NRXN3: variants seen among roughly 807,000 people sequenced by gnomAD.
NRXN3 encodes neurexin 3.
In NRXN3, 32 loss-of-function variants were observed where a neutral mutation model predicts 137.6. The observed-to-expected ratio is 0.23, with a 90% CI of 0.18 to 0.31. NRXN3 has a LOEUF of 0.31. Among genes scored for constraint, NRXN3 ranks in the 10% least tolerant of loss-of-function variants. The probability of loss-of-function intolerance (pLI) is 1.00; values close to 1 mark genes in which losing one functional copy is unlikely to be tolerated. For synonymous variants in NRXN3, 798 were observed against 784.5 expected (o/e 1.02, Z -0.29); for missense variants, 1,574 against 2,062.5 (o/e 0.76, Z 4.59).
At chr14:78,431,740 T>C (rs1006918259) in intron 4 of NRXN3, among the ~76,000 whole-genome samples, 2 of 152,248 alleles carry the variant, frequency 1.3e-5, no homozygotes, top group South Asian at 2.1e-4. Context: ...GTTTTACAGA[T>C]TATAAAGTAA....
chr14:78,896,686 C>T (rs1360516048), intron 10 of NRXN3, among the ~76,000 whole-genome samples: 1 of 151,690 alleles, frequency 6.6e-6, no homozygotes, highest in African/African-American at 2.4e-5. Flanking sequence ...GAGCCTAATT[C>T]CACTTGCTAA....
At chr14:78,543,419 C>A (rs2096610246) in intron 4 of NRXN3, among the ~76,000 whole-genome samples, 1 of 152,124 alleles carries the variant, frequency 6.6e-6, no homozygotes, top group Non-Finnish European at 1.5e-5. Flanking sequence ...TCAGTGCTAA[C>A]AATTGTTGCA....
At chr14:79,806,756 A>C (rs1568316360) in intron 20 of NRXN3, among the ~76,000 whole-genome samples, 1 of 150,170 alleles carries the variant, frequency 6.7e-6, no homozygotes, top group Non-Finnish European at 1.5e-5. Context: ...CAGAGAATAG[A>C]ATAGTTTTGC....
intron 19 of NRXN3, among the ~76,000 whole-genome samples, chr14:79,770,249 G>T (rs2099072623): frequency 6.6e-6 from 1 of 152,078 alleles, no homozygotes; most frequent in Non-Finnish European, 1.5e-5. Flanking sequence ...CCCAGGAATT[G>T]AACTCAGCTC....
At chr14:79,365,861 C>T (rs1007442792) in intron 15 of NRXN3, among the ~76,000 whole-genome samples, 2 of 150,822 alleles carry the variant, frequency 1.3e-5, no homozygotes, top group Admixed American at 6.6e-5. Context: ...AAATCTGATA[C>T]GTATAATGTA....
rs59053009 is a variant in NRXN3, at chr14:78,888,848, T to TACACACACACACAC, written c.2276-68383_2276-68370dup. On this transcript the variant is annotated intron_variant, in intron 10 of 20. Transcript: ENST00000335750. ...CTAGTTGGGAGAGTAATCACACACA[T>TACACACACACACAC]ACACACACACACACACACACACACC... Among the ~76,000 whole-genome samples, 952 of 146,410 alleles carry TACACACACACACAC rather than the reference T, an allele frequency of 6.5e-3. 8 individuals carry two copies. The highest frequency in any genetic ancestry group is 0.023 in the African/African-American group (914 of 39,744).
intron 1 of NRXN3, among the ~76,000 whole-genome samples, chr14:78,180,936 C>T (rs1046347166): frequency 2.6e-5 from 4 of 152,198 alleles, no homozygotes; most frequent in Non-Finnish European, 5.9e-5. Context: ...AAATTCCAAA[C>T]CCATGCTGCA....
chr14:79,733,249 G>T (rs1238875728), intron 19 of NRXN3, among the ~76,000 whole-genome samples: 2 of 152,130 alleles, frequency 1.3e-5, no homozygotes, highest in African/African-American at 4.8e-5. Context: ...TGAATCCTAA[G>T]AATTGCACAG....
intron 8 of NRXN3, among the ~76,000 whole-genome samples, chr14:78,776,229 A>G (rs1302981969): frequency 6.6e-6 from 1 of 152,224 alleles, no homozygotes; most frequent in Non-Finnish European, 1.5e-5. Flanking sequence ...TGCCTGCCCT[A>G]CCCTTTCCAC....
intron 16 of NRXN3, among the ~76,000 whole-genome samples, chr14:79,615,996 T>C (rs2098150958): frequency 6.6e-6 from 1 of 152,110 alleles, no homozygotes; most frequent in Non-Finnish European, 1.5e-5. Context: ...CAAGAATTCA[T>C]ACCCAGCAGT....
At chr14:78,423,935 G>A (rs2153680310) in intron 4 of NRXN3, among the ~76,000 whole-genome samples, 1 of 152,308 alleles carries the variant, frequency 6.6e-6, no homozygotes, top group African/African-American at 2.4e-5. Flanking sequence ...ATATGAACAA[G>A]CGTCTGCAAA....
chr14:79,000,989 C>T (rs74067009), intron 15 of NRXN3, among the ~76,000 whole-genome samples: 5,224 of 152,138 alleles, frequency 0.034, 171 homozygotes, highest in African/African-American at 0.083. Context: ...ACAATAAACA[C>T]AGCTATAACC....
Position 79,467,283 on chromosome 14 carries a change from G to A in NRXN3, c.3325G>A (p.Asp1109Asn). ...GLILYTWPAN[D>N]RPSTRSDRLA... Reference sequence around the variant, plus strand: ...TATCCTCTACACCTGGCCAGCCAATGACAGGCCCAGCACGCGGTCTGACCG... The same window carrying A: ...TATCCTCTACACCTGGCCAGCCAATAACAGGCCCAGCACGCGGTCTGACCG... Residue 1109 changes from aspartate to asparagine, a missense_variant, in exon 16 of 21, where the codon GAC becomes AAC. Physicochemically the swap from Asp to Asn is conservative, Grantham distance 23 (BLOSUM62 1). Around this residue, in one of 5 missense-constraint regions of NRXN3, gnomAD observed 133 missense variants for 241.8 expected, o/e 0.55. Coordinates refer to ENST00000335750, the MANE Select transcript of NRXN3 (RefSeq NM_001330195.2). 3 of 1,613,238 alleles carry A rather than the reference G, an allele frequency of 1.9e-6. No individual in the cohort carries two copies. Among genetic ancestry groups the A allele is most frequent in the Non-Finnish European group, 2.5e-6 (3 of 1,179,176 alleles).
chr14:79,733,646 T>C (rs2154073954), intron 19 of NRXN3, among the ~76,000 whole-genome samples: 1 of 150,824 alleles, frequency 6.6e-6, no homozygotes, highest in Non-Finnish European at 1.5e-5. Context: ...ATACATTATA[T>C]GAAGCCCACA....
chr14:78,590,457 T>C (rs2097106666), intron 4 of NRXN3, among the ~76,000 whole-genome samples: 1 of 152,208 alleles, frequency 6.6e-6, no homozygotes, highest in Admixed American at 6.5e-5. Flanking sequence ...ATAAAAACTT[T>C]TTTTTTTCAT....
intron 15 of NRXN3, among the ~76,000 whole-genome samples, chr14:79,451,588 T>C (rs2096173831): frequency 6.6e-6 from 1 of 152,218 alleles, no homozygotes; most frequent in South Asian, 2.1e-4. Flanking sequence ...AGAAGTCTTA[T>C]GAGCTGTGCC....
chr14:79,256,495 TA>T (rs1429241108), intron 15 of NRXN3, among the ~76,000 whole-genome samples: 1 of 152,150 alleles, frequency 6.6e-6, no homozygotes, highest in East Asian at 1.9e-4. Context: ...GAGTGCCCCC[TA>T]GCACCTCCAC....
chr14:78,800,203 G>C (rs1344296381), intron 8 of NRXN3, among the ~76,000 whole-genome samples: 1 of 152,142 alleles, frequency 6.6e-6, no homozygotes, highest in Non-Finnish European at 1.5e-5. Context: ...TGGCAGGACT[G>C]TTAAGTATAC....
chr14:78,837,914 A>G (rs554777200), intron 10 of NRXN3, among the ~76,000 whole-genome samples: 28 of 152,242 alleles, frequency 1.8e-4, no homozygotes, highest in African/African-American at 5.1e-4. Context: ...ATCTCTTGGA[A>G]CCTCAGCATG....
Sources: gnomAD v4.1 joint callset for allele counts (sites outside exome capture counted in the v4.1 genomes callset) on GRCh38, gnomAD v4.1.1 for gene constraint, gnomAD v4.1.1 regional missense constraint, MANE v1.5 for transcripts, NCBI Gene and HGNC (gene_info 2026-07-23, HGNC 2026-07-21) for gene names.